DOCK11: variants seen among roughly 807,000 people sequenced by gnomAD.
DOCK11 encodes dedicator of cytokinesis 11.
A neutral mutation model predicts 169.1 loss-of-function variants in DOCK11; 70 were observed. The ratio of observed to expected loss-of-function variants is 0.41; its 90% confidence interval spans 0.34 to 0.51. The LOEUF (loss-of-function observed/expected upper bound fraction) is 0.51, where lower values mean the gene tolerates loss of function less well. Ranked by LOEUF, DOCK11 falls within the 20% of genes least tolerant of loss-of-function variation. DOCK11 has a pLI of 0.10. For missense variants in DOCK11, 1,166 were observed against 1,538.8 expected, an observed-to-expected ratio of 0.76 and a Z score of 4.05; for synonymous variants, 529 against 541.3, an observed-to-expected ratio of 0.98 and a Z score of 0.32.
chrX:118,658,180 A>AG (rs766588569), intron 44 of DOCK11, among the ~76,000 whole-genome samples: 1 of 112,322 alleles, frequency 8.9e-6, no homozygotes, highest in African/African-American at 3.2e-5. Flanking sequence ...TCTATCATTA[A>AG]GTGCCCTTTG....
At chrX:118,574,954 T>G (rs1256302919) in intron 12 of DOCK11, among the ~76,000 whole-genome samples, 1 of 111,861 alleles carries the variant, frequency 8.9e-6, no homozygotes, top group African/African-American at 3.3e-5. Context: ...CTCGCTAGAC[T>G]TTTGCAGCTA....
chrX:118,499,604 C>G (rs902354700), intron 1 of DOCK11, among the ~76,000 whole-genome samples: 13 of 112,085 alleles, frequency 1.2e-4, no homozygotes, highest in African/African-American at 4.2e-4. Flanking sequence ...AACCACTCCT[C>G]TGCTCCCTCT....
intron 1 of DOCK11, among the ~76,000 whole-genome samples, chrX:118,536,719 C>T (rs777232745): frequency 9.0e-5 from 10 of 111,663 alleles, no homozygotes; most frequent in Non-Finnish European, 1.7e-4. Context: ...ACCTTCCCCA[C>T]GAGACTGTGA....
intron 44 of DOCK11, 99 bp from the exon 45 acceptor site, chrX:118,662,584 AAAT>A: frequency 2.3e-6 from 1 of 438,623 alleles, no homozygotes; most frequent in East Asian, 3.9e-5. Context: ...ATTCTTACAA[AAAT>A]AATGTGTTTA....
intron 1 of DOCK11, among the ~76,000 whole-genome samples, chrX:118,524,803 A>G (rs1234544611): frequency 9.0e-6 from 1 of 111,321 alleles, no homozygotes; most frequent in East Asian, 2.8e-4. Context: ...AAAATGGTAC[A>G]ACCACTATGG....
intron 24 of DOCK11, among the ~76,000 whole-genome samples, chrX:118,606,030 C>T (rs2014488507): frequency 9.1e-6 from 1 of 109,977 alleles, no homozygotes; most frequent in Non-Finnish European, 1.9e-5. Flanking sequence ...AGCCACCAGC[C>T]ACATGTGGCT....
At chrX:118,535,146 C>T (rs901065955) in intron 1 of DOCK11, among the ~76,000 whole-genome samples, 5 of 112,175 alleles carry the variant, frequency 4.5e-5, no homozygotes, top group African/African-American at 1.3e-4. Context: ...ATGCAAAGTT[C>T]ATTCAAGGAA....
chrX:118,658,222 G>A (rs377474344), intron 44 of DOCK11, among the ~76,000 whole-genome samples: 5 of 112,166 alleles, frequency 4.5e-5, no homozygotes, highest in African/African-American at 1.6e-4. Flanking sequence ...GAGCATTAGA[G>A]TATATTTTAA....
intron 1 of DOCK11, among the ~76,000 whole-genome samples, chrX:118,515,225 AT>A (rs2147315339): frequency 1.8e-5 from 2 of 111,729 alleles, no homozygotes; most frequent in East Asian, 5.6e-4. Context: ...AAGATCCTTA[AT>A]TTATTTCATT....
chrX:118,609,492 G>T (rs2014623993), intron 27 of DOCK11, 143 bp downstream of exon 27: 1 of 428,278 alleles, frequency 2.3e-6, no homozygotes, highest in Non-Finnish European at 3.9e-6. Flanking sequence ...TTTAAAGGCT[G>T]CTAGTGCTTG....
chrX:118,522,567 T>G (rs1041648940), intron 1 of DOCK11, among the ~76,000 whole-genome samples: 11 of 112,026 alleles, frequency 9.8e-5, no homozygotes, highest in Admixed American at 9.4e-4. Flanking sequence ...ATAGCACAAT[T>G]TGGTTCCTTG....
intron 14 of DOCK11, among the ~76,000 whole-genome samples, chrX:118,580,462 A>G (rs1171602339): frequency 9.0e-6 from 1 of 111,406 alleles, no homozygotes; most frequent in Non-Finnish European, 1.9e-5. Flanking sequence ...GATTACAGGC[A>G]TGCGCCACCA....
chrX:118,553,289 C>G lies in DOCK11; in HGVS notation c.558+7173C>G, dbSNP rs750437130. ...AGCTGTGATATTGGACATAGCCTTC[C>G]CCTGGTATTTAGAACTATTTCTCCT... On this transcript the variant is annotated intron_variant, in intron 6 of 52. Coordinates refer to ENST00000276202, the MANE Select transcript of DOCK11 (RefSeq NM_144658.4). Among the ~76,000 whole-genome samples the G allele has an allele frequency of 2.1e-4, 24 of 111,724 alleles. 1 individual carries two copies. Among genetic ancestry groups the G allele is most frequent in the Non-Finnish European group, 1.1e-4 (6 of 53,163 alleles).
intron 6 of DOCK11, among the ~76,000 whole-genome samples, chrX:118,559,595 A>T (rs1036261790): frequency 9.0e-6 from 1 of 110,856 alleles, no homozygotes; most frequent in Non-Finnish European, 1.9e-5. Context: ...GATGTGAACC[A>T]TTGTCATGAA....
Position 118,621,641 on chromosome X carries a change from C to CT in DOCK11, c.3472-2888dup, listed in dbSNP as rs1186402287. 5.6e-3 allele frequency among the ~76,000 whole-genome samples: 605 copies of CT among 107,342 alleles called. 6 individuals are homozygous for CT. Among genetic ancestry groups the CT allele is most frequent in the African/African-American group, 0.019 (575 of 29,654 alleles). 93.2% of individuals were successfully genotyped at this position (107,342 alleles called of 115,157 possible). ...ATAAACTATTTAGCAATATCTCTCT[C>CT]TTTTTTTTTTGTGACGGAGTCTCGC... On this transcript the variant is annotated intron_variant, in intron 31 of 52. Transcript: ENST00000276202.
At chrX:118,684,599 A>T (rs1350456213) in intron 52 of DOCK11, among the ~76,000 whole-genome samples, 2 of 111,280 alleles carry the variant, frequency 1.8e-5, no homozygotes, top group African/African-American at 6.5e-5. Context: ...AAGGATTTAT[A>T]TTATCATAAA....
chrX:118,672,909 C>T (rs773873737), intron 46 of DOCK11, among the ~76,000 whole-genome samples: 4 of 112,134 alleles, frequency 3.6e-5, no homozygotes, highest in African/African-American at 1.3e-4. Flanking sequence ...CTCTGCCATA[C>T]TTTTGGTGTA....
intron 45 of DOCK11, among the ~76,000 whole-genome samples, chrX:118,664,780 C>T (rs780573662): frequency 9.0e-6 from 1 of 111,314 alleles, no homozygotes; most frequent in Non-Finnish European, 1.9e-5. Context: ...AAGTGAAGAC[C>T]GGAGAATCAA....
At chrX:118,589,599 T>C (rs1238626934) in intron 18 of DOCK11, among the ~76,000 whole-genome samples, 1 of 111,963 alleles carries the variant, frequency 8.9e-6, no homozygotes, top group Non-Finnish European at 1.9e-5. Context: ...GGATCTTTCC[T>C]TGGAACCATA....
Sources: allele counts gnomAD v4.1 joint callset (sites outside exome capture counted in the v4.1 genomes callset), GRCh38; gene constraint gnomAD v4.1.1; transcripts MANE v1.5; gene names NCBI Gene and HGNC (gene_info 2026-07-23, HGNC 2026-07-21).